Variants in C1orf141 observed in about 807,000 individuals in gnomAD.
C1orf141 encodes uncharacterized protein C1orf141.
C1orf141 carries 19 observed loss-of-function variants against 23.2 expected under a neutral mutation model. The ratio of observed to expected loss-of-function variants is 0.82; its 90% CI spans 0.57 to 1.20. C1orf141 has a LOEUF of 1.20. C1orf141 is among the 50% of genes most tolerant of loss of function. The pLI, the probability that C1orf141 is intolerant of heterozygous loss-of-function variation, is 0.00. For synonymous variants in C1orf141, 153 were observed against 154.6 expected (o/e 0.99, Z 0.08); for missense variants, 469 against 455.1 (o/e 1.03, Z -0.28).
chr1:67,138,160 T>C (rs1362660109), upstream of C1orf141, among the ~76,000 whole-genome samples: 1 of 152,222 alleles, frequency 6.6e-6, no homozygotes, highest in Non-Finnish European at 1.5e-5. Context: ...ATTAAGCCAA[T>C]AGTTTTGCCT....
At position 67,099,333 on chromosome 1, in the gene C1orf141, TAC is replaced by T. The variant is rs1211796496; in HGVS notation, c.347-3014_347-3013del. Among the ~76,000 whole-genome samples the T allele has an allele frequency of 2.3e-4, 35 of 152,178 alleles. 1 individual carries two copies. The highest frequency in any genetic ancestry group is 1.5e-5 in the Non-Finnish European group (1 of 68,024). On this transcript the variant is annotated intron_variant, in intron 5 of 7. Coordinates refer to ENST00000684719, the MANE Select transcript of C1orf141 (RefSeq NM_001276351.2). ...TGTAAAATGCTGAGAAAAAATAATT[TAC>T]AGTGTAGACATTTACATAAATTCAA...
chr1:67,097,282 C>T (rs534370980), intron 5 of C1orf141, among the ~76,000 whole-genome samples: 1 of 152,192 alleles, frequency 6.6e-6, no homozygotes, highest in Non-Finnish European at 1.5e-5. Flanking sequence ...AATATAATTT[C>T]GAATAATTTG....
chr1:67,125,356 T>C (rs1646384933), intron 4 of C1orf141, among the ~76,000 whole-genome samples: 3 of 152,198 alleles, frequency 2.0e-5, no homozygotes, highest in Admixed American at 2.0e-4. Context: ...AAAACTTTCA[T>C]TTAATATACA....
chr1:67,102,672 G>A (rs1645831220), intron 5 of C1orf141: 1 of 152,000 alleles, frequency 6.6e-6, no homozygotes, highest in African/African-American at 2.4e-5. Context: ...CAATCTCAGA[G>A]GCCACAATCA....
Position 67,103,279 on chromosome 1 carries a change from G to C in C1orf141, c.347-6958C>G, listed in dbSNP as rs1230970518. 4.1e-6 allele frequency: 6 copies of C among 1,479,576 alleles called. No homozygotes were observed. The East Asian group carries it at 1.5e-4, about 37-fold the overall frequency. 91.7% of individuals were successfully genotyped at this position (1,479,576 alleles called of 1,614,324 possible). On this transcript the variant is annotated intron_variant, in intron 5 of 7. Coordinates refer to ENST00000684719, the MANE Select transcript of C1orf141 (RefSeq NM_001276351.2). ...GTCTTTTTCCTTTTTATGAGCATTA[G>C]ACTGAATGTTGAACATAGGAGAAAA...
In C1orf141 at chr1:67,103,808, G is replaced by A. The variant is rs138628289; in HGVS notation, c.347-7487C>T. Among the ~76,000 whole-genome samples, 12 of 152,144 alleles carry A rather than the reference G, an allele frequency of 7.9e-5. No individual in the cohort carries two copies. The East Asian group carries it at 2.3e-3, about 29-fold the overall frequency. On this transcript the variant is annotated intron_variant, in intron 5 of 7. Transcript: ENST00000684719. ...CAGCAGATCAGTTCTGAGTAGAGAA[G>A]AAACTGAAAAACAATGATCTGGCTT...
Position 67,115,380 on chromosome 1 carries a change from A to AT in C1orf141, c.317dup (p.Asn106LysfsTer5). 1 of 1,369,786 alleles carries AT rather than the reference A, an allele frequency of 7.3e-7. No homozygotes were observed. Among genetic ancestry groups the AT allele is most frequent in the Admixed American group, 1.8e-5 (1 of 54,354 alleles). The allele number at this position is 1,369,786 out of a possible 1,614,324, so 84.9% of individuals were successfully genotyped here. ...TTGACTCACTTTCTTTATTTTTTAC[A>AT]TTTGTTTGAATAAAGAATGGTCTTA... On this transcript the variant is annotated frameshift_variant, in exon 5 of 8. Coordinates refer to ENST00000684719, the MANE Select transcript of C1orf141 (RefSeq NM_001276351.2). LOFTEE classifies it high-confidence loss of function.
At chr1:67,096,116 C>G (rs1645674624) in intron 6 of C1orf141, 136 bp downstream of exon 6, 1 of 579,164 alleles carries the variant, frequency 1.7e-6, no homozygotes, top group Non-Finnish European at 3.1e-6. Flanking sequence ...GCTAAGCAGT[C>G]TTGGACCATT....
At chr1:67,136,853 T>C (rs1646590121), upstream of C1orf141, among the ~76,000 whole-genome samples, 1 of 152,184 alleles carries the variant, frequency 6.6e-6, no homozygotes, top group African/African-American at 2.4e-5. Flanking sequence ...TAATAACAAA[T>C]GTTTGGTAAA....
intron 5 of C1orf141, among the ~76,000 whole-genome samples, chr1:67,098,035 G>A (rs1053825342): frequency 6.6e-6 from 1 of 152,164 alleles, no homozygotes; most frequent in African/African-American, 2.4e-5. Flanking sequence ...AGAGATGGAT[G>A]ACTGAATCTG....
intron 6 of C1orf141, 79 bp downstream of exon 6, chr1:67,096,173 T>C (rs1570674534): frequency 4.1e-6 from 3 of 724,926 alleles, no homozygotes; most frequent in East Asian, 5.5e-5. Flanking sequence ...AATAAATTTA[T>C]TCCTGTCAAT....
intron 3 of C1orf141, 133 bp from the exon 4 acceptor site, chr1:67,126,042 G>T: frequency 1.0e-6 from 1 of 996,488 alleles, no homozygotes; most frequent in Non-Finnish European, 1.4e-6. Context: ...AGGCAATAAT[G>T]GAAAAATAGT....
chr1:67,096,077 T>C (rs1402676124), intron 6 of C1orf141, 175 bp downstream of exon 6: 1 of 406,596 alleles, frequency 2.5e-6, no homozygotes, highest in Non-Finnish European at 4.5e-6. Context: ...CATTTAACAA[T>C]ACTCAAGGTC....
intron 4 of C1orf141, among the ~76,000 whole-genome samples, chr1:67,124,810 G>A (rs1271836983): frequency 6.6e-6 from 1 of 152,206 alleles, no homozygotes; most frequent in African/African-American, 2.4e-5. Flanking sequence ...ATGACTGTGA[G>A]CTTTTGGGCT....
intron 4 of C1orf141, among the ~76,000 whole-genome samples, chr1:67,119,831 T>C (rs1386169597): frequency 6.6e-6 from 1 of 152,268 alleles, no homozygotes; most frequent in Non-Finnish European, 1.5e-5. Flanking sequence ...TGCACTATTT[T>C]TCAAGACAAG....
chr1:67,137,213 A>G (rs1265220413), upstream of C1orf141, among the ~76,000 whole-genome samples: 1 of 152,156 alleles, frequency 6.6e-6, no homozygotes, highest in Non-Finnish European at 1.5e-5. Flanking sequence ...TGCTAGAAAG[A>G]CTCACAGACC....
At chr1:67,095,479 C>T (rs1645656287) in intron 6 of C1orf141, 58 bp from the exon 7 acceptor site, 5 of 966,470 alleles carry the variant, frequency 5.2e-6, no homozygotes, top group Non-Finnish European at 7.4e-6. Flanking sequence ...CTTGTCAGTT[C>T]TTGTCTGCCT....
chr1:67,108,827 A>C (rs1294120613), intron 5 of C1orf141, among the ~76,000 whole-genome samples: 1 of 152,202 alleles, frequency 6.6e-6, no homozygotes, highest in Non-Finnish European at 1.5e-5. Flanking sequence ...ACAAATGAAA[A>C]AATGCTCAAC....
At chr1:67,116,536 G>A (rs1434278098) in intron 4 of C1orf141, among the ~76,000 whole-genome samples, 1 of 151,900 alleles carries the variant, frequency 6.6e-6, no homozygotes, top group Non-Finnish European at 1.5e-5. Flanking sequence ...ATACAAATGT[G>A]ACTATCATTT....
Sources: allele counts gnomAD v4.1 joint callset (sites outside exome capture counted in the v4.1 genomes callset), GRCh38; gene constraint gnomAD v4.1.1; transcripts MANE v1.5; gene names NCBI Gene and HGNC (gene_info 2026-07-23, HGNC 2026-07-21).